Variants in SEMA3E observed in about 807,000 individuals in gnomAD.
The protein encoded by SEMA3E is semaphorin 3E, also known as semaphorin-3E.
A neutral mutation model predicts 93.6 loss-of-function variants in SEMA3E; 49 were observed. That is an observed-to-expected ratio of 0.52 (90% CI 0.42 to 0.66). The LOEUF (loss-of-function observed/expected upper bound fraction) is 0.66, where lower values mean the gene tolerates loss of function less well. Ranked by LOEUF, SEMA3E falls within the 30% of genes least tolerant of loss-of-function variation. The pLI is 0.00. For synonymous variants in SEMA3E, 363 were observed against 330.7 expected, an observed-to-expected ratio of 1.10 and a Z score of -1.06; for missense variants, 906 against 964.8, an observed-to-expected ratio of 0.94 and a Z score of 0.81.
intron 1 of SEMA3E, among the ~76,000 whole-genome samples, chr7:83,566,268 A>T (rs539870820): frequency 6.6e-6 from 1 of 151,604 alleles, no homozygotes; most frequent in African/African-American, 2.4e-5. Context: ...GGCCTCCCAG[A>T]GTGCTGGGAT....
intron 11 of SEMA3E, 55 bp from the exon 12 acceptor site, chr7:83,396,784 C>T (rs1257570784): frequency 8.6e-7 from 1 of 1,167,322 alleles, no homozygotes. Flanking sequence ...GTACGGTTTT[C>T]AAAAAAACCA....
At chr7:83,439,007 C>T (rs1373595661) in intron 4 of SEMA3E, among the ~76,000 whole-genome samples, 3 of 152,116 alleles carry the variant, frequency 2.0e-5, no homozygotes, top group Non-Finnish European at 2.9e-5. Context: ...TAGAATGGAG[C>T]AGGAATCAAA....
At position 83,566,083 on chromosome 7, in the gene SEMA3E, C is replaced by T. The variant is rs1342457147; in HGVS notation, c.116-75809G>A. ...ACTATGTGGGCTCACTGCCAATCTC[C>T]GCCTCCTGGGTTCATGCCATTCTCC... On this transcript the variant is annotated intron_variant, in intron 1 of 16. Coordinates refer to ENST00000643230, the MANE Select transcript of SEMA3E (RefSeq NM_012431.3). Among the ~76,000 whole-genome samples, 17 of 146,960 alleles carry T rather than the reference C, an allele frequency of 1.2e-4. 1 individual carries two copies. Among genetic ancestry groups the T allele is most frequent in the Admixed American group, 6.2e-4 (9 of 14,444 alleles).
At chr7:83,520,191 T>C (rs1325283228) in intron 1 of SEMA3E, among the ~76,000 whole-genome samples, 1 of 152,116 alleles carries the variant, frequency 6.6e-6, no homozygotes, top group Non-Finnish European at 1.5e-5. Flanking sequence ...ACTTAAATAT[T>C]TATTACTCAA....
intron 1 of SEMA3E, among the ~76,000 whole-genome samples, chr7:83,571,737 G>A (rs1378239553): frequency 6.6e-6 from 1 of 152,134 alleles, no homozygotes; most frequent in Non-Finnish European, 1.5e-5. Context: ...AATCAGGCAA[G>A]AGAAAGAAAT....
chr7:83,531,635 G>A lies in SEMA3E; in HGVS notation c.116-41361C>T, dbSNP rs964796624. Among the ~76,000 whole-genome samples, 8 of 152,192 alleles carry A rather than the reference G, an allele frequency of 5.3e-5. No individual in the cohort carries two copies. In the South Asian group the frequency reaches 6.2e-4, roughly 12 times the overall value. On this transcript the variant is annotated intron_variant, in intron 1 of 16. Coordinates refer to ENST00000643230, the MANE Select transcript of SEMA3E (RefSeq NM_012431.3). The stretch of plus-strand genomic sequence containing the variant: ...CCCAAAGTGCTGGGATTACAGGCGT[G>A]AGCCACCGTTCCCAGCCAATTGGAA...
At chr7:83,463,708 A>C (rs1313218391) in intron 4 of SEMA3E, among the ~76,000 whole-genome samples, 2 of 152,092 alleles carry the variant, frequency 1.3e-5, no homozygotes, top group Non-Finnish European at 2.9e-5. Context: ...ACTATAGTAC[A>C]AGCCACTAGC....
rs34741502 is a variant in SEMA3E, at chr7:83,431,949, C to CT, written c.457-13467dup. 9.3e-3 allele frequency among the ~76,000 whole-genome samples: 1,289 copies of CT among 139,132 alleles called. 17 individuals are homozygous for CT. Among genetic ancestry groups the CT allele is most frequent in the African/African-American group, 0.022 (838 of 37,764 alleles). 91.3% of individuals were successfully genotyped at this position (139,132 alleles called of 152,430 possible). On this transcript the variant is annotated intron_variant, in intron 4 of 16. Transcript: ENST00000643230. ...TATTCACTCCCCAATTAATTGGTGA[C>CT]TTTTTTTTTTTTTTTTGGAATGCTC...
intron 4 of SEMA3E, among the ~76,000 whole-genome samples, chr7:83,427,984 A>G (rs986467527): frequency 2.0e-5 from 3 of 152,210 alleles, no homozygotes; most frequent in Non-Finnish European, 2.9e-5. Flanking sequence ...TTCTGTTTCA[A>G]TGTGATATGG....
At chr7:83,400,840 A>C (rs990387213) in intron 10 of SEMA3E, among the ~76,000 whole-genome samples, 3 of 152,148 alleles carry the variant, frequency 2.0e-5, no homozygotes, top group Admixed American at 6.6e-5. Context: ...GAAGGGAAAC[A>C]ATCTATTGTT....
At chr7:83,368,836 A>G (rs1794713615) in intron 16 of SEMA3E, among the ~76,000 whole-genome samples, 1 of 152,218 alleles carries the variant, frequency 6.6e-6, no homozygotes, top group African/African-American at 2.4e-5. Flanking sequence ...GTTTTATCAC[A>G]AATAGCTGGA....
At chr7:83,573,754 T>C (rs1189625674) in intron 1 of SEMA3E, among the ~76,000 whole-genome samples, 1 of 152,048 alleles carries the variant, frequency 6.6e-6, no homozygotes, top group Non-Finnish European at 1.5e-5. Context: ...TGTAGACGAT[T>C]CATGGTATTC....
intron 1 of SEMA3E, among the ~76,000 whole-genome samples, chr7:83,631,371 A>T (rs1227564046): frequency 6.6e-6 from 1 of 152,224 alleles, no homozygotes; most frequent in Non-Finnish European, 1.5e-5. Flanking sequence ...TACTTTAATT[A>T]AAATTTACTT....
rs769248913 is a variant in SEMA3E, at chr7:83,392,585, C to T, written c.1637G>A (p.Arg546Gln). ...TGCATGTGTGCCTGTTGGGTAATACCGGGAGCAGGATATGCCATCCCAGGC... is the reference window on the plus strand; with the variant it reads ...TGCATGTGTGCCTGTTGGGTAATACTGGGAGCAGGATATGCCATCCCAGGC... The part of the protein sequence containing the change: ...YCAWDGISCS[R>Q]YYPTGTHAKR... The change falls in exon 14 of 17, where the codon CGG (arginine) becomes CAG (glutamine). Residue 546 changes from arginine (R) to glutamine (Q), a missense_variant. Coordinates refer to ENST00000643230, the MANE Select transcript of SEMA3E (RefSeq NM_012431.3). 13 of 1,613,368 alleles carry T rather than the reference C, an allele frequency of 8.1e-6. No homozygotes were observed. The highest frequency in any genetic ancestry group is 2.2e-5 in the East Asian group (1 of 44,846).
At chr7:83,627,081 C>T (rs1274159624) in intron 1 of SEMA3E, among the ~76,000 whole-genome samples, 1 of 151,982 alleles carries the variant, frequency 6.6e-6, no homozygotes, top group Non-Finnish European at 1.5e-5. Context: ...CCGTTTGTTA[C>T]AATTTGTGTT....
intron 1 of SEMA3E, among the ~76,000 whole-genome samples, chr7:83,535,437 A>T (rs985068): frequency 1.3e-5 from 2 of 151,506 alleles, no homozygotes; most frequent in African/African-American, 2.4e-5. Flanking sequence ...TCATTCATTC[A>T]CTAAGGAGAC....
chr7:83,404,701 A>T (rs1416866475), intron 9 of SEMA3E, among the ~76,000 whole-genome samples: 2 of 152,018 alleles, frequency 1.3e-5, no homozygotes, highest in African/African-American at 4.8e-5. Flanking sequence ...CTTAAACTTG[A>T]GCAGCAAATT....
chr7:83,467,527 G>A (rs1198196905), intron 3 of SEMA3E, among the ~76,000 whole-genome samples: 1 of 152,154 alleles, frequency 6.6e-6, no homozygotes, highest in Non-Finnish European at 1.5e-5. Flanking sequence ...GTAGACTGGG[G>A]ATCAGCAAAC....
At chr7:83,522,864 T>C (rs982081331) in intron 1 of SEMA3E, among the ~76,000 whole-genome samples, 9 of 152,158 alleles carry the variant, frequency 5.9e-5, no homozygotes, top group African/African-American at 2.2e-4. Context: ...TCAGTCTGCC[T>C]GAGAGACTTA....
Sources: gnomAD v4.1 joint callset for allele counts (sites outside exome capture counted in the v4.1 genomes callset) on GRCh38, gnomAD v4.1.1 for gene constraint, MANE v1.5 for transcripts, NCBI Gene and HGNC (gene_info 2026-07-23, HGNC 2026-07-21) for gene names.